Variants in SAMMSON observed in about 807,000 individuals in gnomAD.
The protein encoded by SAMMSON is survival associated mitochondrial melanoma specific oncogenic non-coding RNA, also known as long intergenic non-protein coding RNA 1212.
At chr3:70,128,206 C>G (rs552989873) in intron 4 of SAMMSON, among the ~76,000 whole-genome samples, 1 of 152,262 alleles carries the variant, frequency 6.6e-6, no homozygotes, top group South Asian at 2.1e-4. Context: ...GTAAGTCACT[C>G]CATCTAAGAC....
intron 4 of SAMMSON, among the ~76,000 whole-genome samples, chr3:70,208,176 C>G (rs943218948): frequency 1.3e-5 from 2 of 152,040 alleles, no homozygotes; most frequent in African/African-American, 4.8e-5. Flanking sequence ...AAGCAACAGT[C>G]CTCGTGGTTT....
intron 4 of SAMMSON, among the ~76,000 whole-genome samples, chr3:70,239,167 C>T (rs1701640684): frequency 6.6e-6 from 1 of 152,086 alleles, no homozygotes; most frequent in African/African-American, 2.4e-5. Context: ...AAAAGTGGGG[C>T]TAGGAATTTA....
intron 2 of SAMMSON, among the ~76,000 whole-genome samples, chr3:70,403,652 C>A (rs191798440): frequency 1.3e-5 from 2 of 152,166 alleles, no homozygotes; most frequent in African/African-American, 4.8e-5. Flanking sequence ...TTGTGAGAGA[C>A]TCTCTAGGCC....
intron 4 of SAMMSON, among the ~76,000 whole-genome samples, chr3:70,135,224 G>T (rs2067500911): frequency 6.6e-6 from 1 of 151,988 alleles, no homozygotes; most frequent in South Asian, 2.1e-4. Flanking sequence ...TTATATGACT[G>T]ACTAATGGGA....
At chr3:70,022,362 A>G (rs2067017335) in intron 3 of SAMMSON, among the ~76,000 whole-genome samples, 1 of 149,620 alleles carries the variant, frequency 6.7e-6, no homozygotes, top group South Asian at 2.1e-4. Context: ...AACATGGCAC[A>G]TGTATACATA....
At chr3:70,296,120 A>T (rs1702287270) in intron 7 of SAMMSON, among the ~76,000 whole-genome samples, 1 of 152,106 alleles carries the variant, frequency 6.6e-6, no homozygotes, top group African/African-American at 2.4e-5. Context: ...GAAAGGGTGA[A>T]AGCCTTTTTT....
At chr3:70,407,885 C>G (rs920934327) in intron 2 of SAMMSON, among the ~76,000 whole-genome samples, 1 of 152,264 alleles carries the variant, frequency 6.6e-6, no homozygotes. Context: ...CAGAGTTTCT[C>G]CATGAGTGCC....
chr3:70,246,600 G>T (rs1375091811), intron 4 of SAMMSON, among the ~76,000 whole-genome samples: 1 of 151,964 alleles, frequency 6.6e-6, no homozygotes, highest in Non-Finnish European at 1.5e-5. Flanking sequence ...CATGAAATAC[G>T]AGGAACATAC....
At chr3:70,408,807 T>C (rs1673817006) in intron 2 of SAMMSON, among the ~76,000 whole-genome samples, 1 of 152,134 alleles carries the variant, frequency 6.6e-6, no homozygotes, top group African/African-American at 2.4e-5. Context: ...TGCCCCTCTC[T>C]ACTGGTACCA....
chr3:70,401,935 T>G (rs1487037246), intron 2 of SAMMSON, among the ~76,000 whole-genome samples: 6 of 152,234 alleles, frequency 3.9e-5, no homozygotes, highest in Admixed American at 2.6e-4. Flanking sequence ...GAAGTGCTTG[T>G]CCTCTTCCTA....
downstream of SAMMSON, among the ~76,000 whole-genome samples, chr3:70,391,365 G>T (rs1701046829): frequency 6.6e-6 from 1 of 152,022 alleles, no homozygotes; most frequent in Non-Finnish European, 1.5e-5. Flanking sequence ...GCCCTTTATG[G>T]CATAATATTT....
At chr3:70,080,479 A>T (rs1285801742) in intron 4 of SAMMSON, among the ~76,000 whole-genome samples, 2 of 152,216 alleles carry the variant, frequency 1.3e-5, no homozygotes, top group African/African-American at 4.8e-5. Flanking sequence ...AAATACATGT[A>T]TAGATAGAAA....
chr3:70,086,047 A>G (rs9837698), intron 4 of SAMMSON, among the ~76,000 whole-genome samples: 3,912 of 152,346 alleles, frequency 0.026, 142 homozygotes, highest in African/African-American at 0.087. Context: ...TATTTATCAC[A>G]GTCACTGTAT....
chr3:70,406,798 G>A (rs1024153138), intron 2 of SAMMSON, among the ~76,000 whole-genome samples: 1 of 152,178 alleles, frequency 6.6e-6, no homozygotes, highest in African/African-American at 2.4e-5. Flanking sequence ...AGTAAAAGAG[G>A]TAAAAGAGAG....
rs953359263 is a variant in SAMMSON, at chr3:70,237,818, C to T, written n.508-11289C>T. Among the ~76,000 whole-genome samples, 7 of 152,150 alleles carry T rather than the reference C, an allele frequency of 4.6e-5. No homozygotes were observed. The East Asian group carries it at 1.4e-3, about 30-fold the overall frequency. ...GCCATATTGTGGGCATGGACAAAGG[C>T]AGAGTATTTTTCCTTAAATATTGCA... On this transcript the variant is annotated intron_variant and non_coding_transcript_variant, in intron 4 of 9. Transcript: ENST00000642114.
intron 6 of SAMMSON, among the ~76,000 whole-genome samples, chr3:70,251,371 CT>C (rs1228458668): frequency 6.6e-6 from 1 of 152,146 alleles, no homozygotes; most frequent in African/African-American, 2.4e-5. Context: ...AATAGGGGGA[CT>C]ATCTGATTTT....
At chr3:70,271,314 G>A (rs1465371873) in intron 6 of SAMMSON, among the ~76,000 whole-genome samples, 1 of 152,074 alleles carries the variant, frequency 6.6e-6, no homozygotes, top group Non-Finnish European at 1.5e-5. Context: ...GAGTAAACTG[G>A]AGAGCATTAT....
At chr3:70,070,689 T>A (rs2067226309) in intron 3 of SAMMSON, among the ~76,000 whole-genome samples, 1 of 152,088 alleles carries the variant, frequency 6.6e-6, no homozygotes. Context: ...TAGATTTAAT[T>A]TTTAAACATT....
intron 7 of SAMMSON, among the ~76,000 whole-genome samples, chr3:70,332,260 C>T (rs899803120): frequency 6.6e-6 from 1 of 152,142 alleles, no homozygotes; most frequent in African/African-American, 2.4e-5. Flanking sequence ...TTTTGTTTTT[C>T]TCTTCGTTAG....
Sources: gnomAD v4.1 joint callset for allele counts (sites outside exome capture counted in the v4.1 genomes callset) on GRCh38, gnomAD v4.1.1 for gene constraint, MANE v1.5 for transcripts, NCBI Gene and HGNC (gene_info 2026-07-23, HGNC 2026-07-21) for gene names.